Variants in VCPIP1 observed in about 807,000 individuals in gnomAD.
VCPIP1 encodes the protein valosin containing protein interacting protein 1.
A neutral mutation model predicts 85.0 loss-of-function variants in VCPIP1; 8 were observed. That is an observed-to-expected ratio of 0.09 (90% CI 0.06 to 0.17). The LOEUF (loss-of-function observed/expected upper bound fraction) is 0.17. Among genes scored for constraint, VCPIP1 ranks in the 10% least tolerant of loss-of-function variants. VCPIP1 has a pLI of 1.00. For synonymous variants in VCPIP1, 543 were observed against 544.5 expected (o/e 1.00, Z 0.04); for missense variants, 1,070 against 1,486.3 (o/e 0.72, Z 4.61).
intron 1 of VCPIP1, among the ~76,000 whole-genome samples, chr8:66,661,212 C>T (rs945437144): frequency 6.6e-6 from 1 of 152,174 alleles, no homozygotes; most frequent in African/African-American, 2.4e-5. Flanking sequence ...CTCTCTTTTA[C>T]ACCCAAATTT....
chr8:66,655,845 T>C (rs1246875399), intron 1 of VCPIP1, among the ~76,000 whole-genome samples: 1 of 152,148 alleles, frequency 6.6e-6, no homozygotes, highest in African/African-American at 2.4e-5. Flanking sequence ...TGTTTCTTCA[T>C]ACTACAAAAG....
In VCPIP1 at chr8:66,664,191, A is replaced by T. The variant is rs933062251; in HGVS notation, c.2710+58T>A. The T allele has an allele frequency of 1.1e-5, 16 of 1,448,592 alleles. No individual in the cohort carries two copies. In the African/African-American group the frequency reaches 2.3e-4, roughly 21 times the overall value. The allele number at this position is 1,448,592 out of a possible 1,614,324, so 89.7% of individuals were successfully genotyped here. Reference sequence around the variant, plus strand: ...TTCTTTTCCCCCAAAGATAACAGGAAAACTCAGTGTATTATATTTACAATT... The same window carrying T: ...TTCTTTTCCCCCAAAGATAACAGGATAACTCAGTGTATTATATTTACAATT... On this transcript the variant is annotated intron_variant, in intron 1 of 2. Transcript: ENST00000310421.
chr8:66,667,042 C>T lies in VCPIP1; in HGVS notation c.-84G>A. On this transcript the variant is annotated 5_prime_UTR_variant, in exon 1 of 3. Coordinates refer to ENST00000310421, the MANE Select transcript of VCPIP1 (RefSeq NM_025054.5). ...CAGACCCCCACCAACCCGACTCGGT[C>T]CAGTCCAGGCCCAGGGCGAAGCACT... 1 of 1,433,184 alleles carries T rather than the reference C, an allele frequency of 7.0e-7. No individual in the cohort carries two copies. The highest frequency in any genetic ancestry group is 9.1e-7 in the Non-Finnish European group (1 of 1,096,890). 88.8% of individuals were successfully genotyped at this position (1,433,184 alleles called of 1,614,324 possible). A position where few individuals can be genotyped will look rare whatever the true frequency, so the allele number is the denominator to read the frequency against.
chr8:66,659,484 A>C (rs1478386573), intron 1 of VCPIP1, among the ~76,000 whole-genome samples: 1 of 152,194 alleles, frequency 6.6e-6, no homozygotes, highest in African/African-American at 2.4e-5. Context: ...CAAAGTTACT[A>C]GGTTCCATGA....
chr8:66,649,904 AAAC>A (rs1266489450), intron 2 of VCPIP1, among the ~76,000 whole-genome samples: 1 of 152,218 alleles, frequency 6.6e-6, no homozygotes, highest in Non-Finnish European at 1.5e-5. Context: ...AAAAGAAAAA[AAAC>A]AAGGCTTTTT....
At chr8:66,658,339 A>C (rs75587723) in intron 1 of VCPIP1, among the ~76,000 whole-genome samples, 1 of 143,706 alleles carries the variant, frequency 7.0e-6, no homozygotes, top group African/African-American at 2.6e-5. Flanking sequence ...ATCTTGGGGA[A>C]AAAAAAAAAA....
intron 2 of VCPIP1, among the ~76,000 whole-genome samples, chr8:66,649,601 G>A (rs1246403369): frequency 6.6e-6 from 1 of 152,158 alleles, no homozygotes; most frequent in Non-Finnish European, 1.5e-5. Flanking sequence ...GACACAAAAG[G>A]TCACACTATA....
chr8:66,662,296 A>G (rs1468296081), intron 1 of VCPIP1, among the ~76,000 whole-genome samples: 2 of 152,180 alleles, frequency 1.3e-5, no homozygotes, highest in Non-Finnish European at 2.9e-5. Flanking sequence ...GGATTGTTCA[A>G]ATATTCCTAC....
chr8:66,650,056 T>C (rs1008981610), intron 2 of VCPIP1, among the ~76,000 whole-genome samples: 1 of 145,574 alleles, frequency 6.9e-6, no homozygotes, highest in Non-Finnish European at 1.5e-5. Flanking sequence ...GTTGTAATAA[T>C]GACTTTTTTT....
intron 2 of VCPIP1, among the ~76,000 whole-genome samples, chr8:66,636,977 G>A (rs559528947): frequency 6.6e-4 from 100 of 152,262 alleles, no homozygotes; most frequent in African/African-American, 2.3e-3. Context: ...AAACATGTAT[G>A]TATAAGACAA....
At position 66,632,494 on chromosome 8, in the gene VCPIP1, T is replaced by C. The variant is rs1351272684; in HGVS notation, c.*2007A>G. 6.6e-6 allele frequency: 1 copy of C among 152,160 alleles called. No homozygotes were observed. The highest frequency in any genetic ancestry group is 6.5e-5 in the Admixed American group (1 of 15,280). 9.4% of individuals were successfully genotyped at this position (152,160 alleles called of 1,614,324 possible). ...TTAAGTCCATCTTCTAACATTCACA[T>C]ACGCATTCCAATTTGCACTAAATGT... On this transcript the variant is annotated 3_prime_UTR_variant, in exon 3 of 3. Coordinates refer to ENST00000310421, the MANE Select transcript of VCPIP1 (RefSeq NM_025054.5).
intron 2 of VCPIP1, among the ~76,000 whole-genome samples, chr8:66,637,050 T>TA (rs1251128675): frequency 6.6e-6 from 1 of 152,166 alleles, no homozygotes; most frequent in African/African-American, 2.4e-5. Context: ...ATATTGTTAT[T>TA]AAAAAACTCC....
intron 1 of VCPIP1, among the ~76,000 whole-genome samples, chr8:66,654,705 G>A (rs974366694): frequency 2.6e-5 from 4 of 152,148 alleles, no homozygotes; most frequent in Non-Finnish European, 5.9e-5. Context: ...CTCTCCTATG[G>A]CTCTCCACTG....
At chr8:66,655,568 C>T (rs780522278) in intron 1 of VCPIP1, among the ~76,000 whole-genome samples, 17 of 152,052 alleles carry the variant, frequency 1.1e-4, no homozygotes, top group Admixed American at 4.6e-4. Flanking sequence ...TAAACTTAAT[C>T]GAAGCAGCAT....
At chr8:66,643,015 T>G (rs961427849) in intron 2 of VCPIP1, among the ~76,000 whole-genome samples, 4 of 152,096 alleles carry the variant, frequency 2.6e-5, no homozygotes, top group African/African-American at 9.7e-5. Flanking sequence ...AAATGAAAGA[T>G]AAAAAGTTTA....
At chr8:66,661,601 T>C (rs980143367) in intron 1 of VCPIP1, among the ~76,000 whole-genome samples, 1 of 151,412 alleles carries the variant, frequency 6.6e-6, no homozygotes, top group Non-Finnish European at 1.5e-5. Flanking sequence ...CCAGGTGTGG[T>C]GGCACATGCC....
At chr8:66,661,723 G>A (rs759110629) in intron 1 of VCPIP1, among the ~76,000 whole-genome samples, 9 of 150,922 alleles carry the variant, frequency 6.0e-5, no homozygotes, top group Non-Finnish European at 8.9e-5. Context: ...GCGACAGAGT[G>A]AGACTCTGTC....
At chr8:66,640,161 A>T (rs1810933152) in intron 2 of VCPIP1, among the ~76,000 whole-genome samples, 1 of 152,188 alleles carries the variant, frequency 6.6e-6, no homozygotes, top group South Asian at 2.1e-4. Flanking sequence ...ATCAGAAAAA[A>T]ATTCTATTTT....
chr8:66,659,285 A>C (rs1423396244), intron 1 of VCPIP1, among the ~76,000 whole-genome samples: 11 of 151,446 alleles, frequency 7.3e-5, no homozygotes, highest in Non-Finnish European at 1.5e-4. Context: ...CAACCGCACC[A>C]GGTCTACAAG....
Sources: allele counts gnomAD v4.1 joint callset (sites outside exome capture counted in the v4.1 genomes callset), GRCh38; gene constraint gnomAD v4.1.1; transcripts MANE v1.5; gene names NCBI Gene and HGNC (gene_info 2026-07-23, HGNC 2026-07-21).